TNIK: variants seen among roughly 807,000 people sequenced by gnomAD.
TNIK encodes the protein TRAF2 and NCK-interacting protein kinase.
A neutral mutation model predicts 191.3 loss-of-function variants in TNIK; 49 were observed. That is an observed-to-expected ratio of 0.26 (90% confidence interval 0.20 to 0.32). TNIK has a LOEUF of 0.32. Among genes scored for constraint, TNIK ranks in the 10% least tolerant of loss-of-function variants. The probability of loss-of-function intolerance (pLI) is 1.00; values close to 1 mark genes in which losing one functional copy is unlikely to be tolerated. For missense variants in TNIK, 1,155 were observed against 1,702.3 expected (o/e 0.68, Z 5.66); for synonymous variants, 594 against 600.9 (o/e 0.99, Z 0.17).
At chr3:171,112,632 T>C (rs1289209831) in intron 18 of TNIK, among the ~76,000 whole-genome samples, 2 of 151,872 alleles carry the variant, frequency 1.3e-5, no homozygotes, top group Non-Finnish European at 2.9e-5. Context: ...AGAATGAGAG[T>C]TGCTGGGGTT....
chr3:171,135,107 A>G (rs1403911431), intron 15 of TNIK, among the ~76,000 whole-genome samples: 1 of 152,220 alleles, frequency 6.6e-6, no homozygotes, highest in Non-Finnish European at 1.5e-5. Context: ...AGAAAATGGC[A>G]TCCTTTTATT....
intron 3 of TNIK, chr3:171,225,384 G>A: frequency 3.4e-6 from 1 of 289,936 alleles, no homozygotes; most frequent in South Asian, 3.0e-5. Flanking sequence ...AAAGTCAGTG[G>A]TTAAATAATC....
intron 2 of TNIK, among the ~76,000 whole-genome samples, chr3:171,324,432 A>G (rs1177205156): frequency 2.0e-5 from 3 of 152,106 alleles, no homozygotes; most frequent in Non-Finnish European, 4.4e-5. Context: ...AAAGAACAAA[A>G]TGACTTTACA....
chr3:171,452,392 T>C (rs761312167), intron 1 of TNIK, among the ~76,000 whole-genome samples: 2 of 152,122 alleles, frequency 1.3e-5, no homozygotes, highest in Non-Finnish European at 2.9e-5. Context: ...TCCAGGAATA[T>C]GCATCCCAGC....
chr3:171,241,054 G>C lies in TNIK; in HGVS notation c.124-12833C>G, dbSNP rs189998887. ...TCTTTTCTTTTTTTTTTTGGAGATA[G>C]AGTTCTGCTCTTGTTGCCCAGTTTG... On this transcript the variant is annotated intron_variant, in intron 2 of 32. Coordinates refer to ENST00000436636, the MANE Select transcript of TNIK (RefSeq NM_015028.4). Among the ~76,000 whole-genome samples, 8 of 147,554 alleles carry C rather than the reference G, an allele frequency of 5.4e-5. No homozygotes were observed. In the East Asian group the frequency reaches 1.6e-3, roughly 29 times the overall value.
At chr3:171,258,910 A>G (rs1747236043) in intron 2 of TNIK, among the ~76,000 whole-genome samples, 1 of 152,182 alleles carries the variant, frequency 6.6e-6, no homozygotes, top group Admixed American at 6.5e-5. Context: ...AGTCTCTCTC[A>G]TGTACACACA....
chr3:171,161,527 G>A (rs748388209), intron 10 of TNIK, among the ~76,000 whole-genome samples, 191 bp from the exon 11 acceptor site: 2 of 152,110 alleles, frequency 1.3e-5, no homozygotes, highest in Non-Finnish European at 2.9e-5. Flanking sequence ...AGGCTGTCTC[G>A]GCTGACTCTA....
At chr3:171,139,426 G>T in intron 14 of TNIK, 44 bp downstream of exon 14, 1 of 1,456,490 alleles carries the variant, frequency 6.9e-7, no homozygotes, top group Non-Finnish European at 9.5e-7. Context: ...ACACTTGCAA[G>T]ATGAACACAG....
intron 7 of TNIK, among the ~76,000 whole-genome samples, chr3:171,183,705 G>T (rs540000688): frequency 6.6e-6 from 1 of 152,118 alleles, no homozygotes; most frequent in Admixed American, 6.5e-5. Context: ...GGCAGATCAC[G>T]AGGTCAGGAG....
chr3:171,063,679 C>T lies in TNIK; in HGVS notation c.*202G>A, dbSNP rs1179907736. 8.3e-6 allele frequency: 4 copies of T among 484,534 alleles called. No individual in the cohort carries two copies. The highest frequency in any genetic ancestry group is 8.0e-5 in the African/African-American group (4 of 49,856). The allele number at this position is 484,534 out of a possible 1,614,324, so 30.0% of individuals were successfully genotyped here. On this transcript the variant is annotated 3_prime_UTR_variant, in exon 33 of 33. Coordinates refer to ENST00000436636, the MANE Select transcript of TNIK (RefSeq NM_015028.4). Reference sequence around the variant, plus strand: ...CTTGGGGATCTCCTGGAAATTCCTGCCACCTTTTTCTCTCCTTCTCAACCA... The same window carrying T: ...CTTGGGGATCTCCTGGAAATTCCTGTCACCTTTTTCTCTCCTTCTCAACCA...
At chr3:171,148,816 C>T (rs909561596) in intron 12 of TNIK, among the ~76,000 whole-genome samples, 1 of 152,096 alleles carries the variant, frequency 6.6e-6, no homozygotes, top group African/African-American at 2.4e-5. Flanking sequence ...CACAAGAACT[C>T]GAATCAACGA....
At chr3:171,299,703 C>T (rs1752689017) in intron 2 of TNIK, among the ~76,000 whole-genome samples, 1 of 152,148 alleles carries the variant, frequency 6.6e-6, no homozygotes, top group Non-Finnish European at 1.5e-5. Context: ...CAGCTTCCTC[C>T]ATATTTTAAT....
intron 7 of TNIK, among the ~76,000 whole-genome samples, chr3:171,180,264 C>A (rs1276875645): frequency 6.6e-6 from 1 of 152,204 alleles, no homozygotes; most frequent in Non-Finnish European, 1.5e-5. Context: ...CTGACTCCCT[C>A]ACCTCCCCAA....
At position 171,242,567 on chromosome 3, in the gene TNIK, T is replaced by TTTA. The variant is rs1745119132; in HGVS notation, c.124-14349_124-14347dup. 3.9e-5 allele frequency among the ~76,000 whole-genome samples: 6 copies of TTTA among 152,234 alleles called. No individual in the cohort carries two copies. In the South Asian group the frequency reaches 1.2e-3, roughly 32 times the overall value. ...AGTCTTGTGTTTGCAACATTAATGG[T>TTTA]TTATTTCACTGGTGGCTTCTGTCTG... On this transcript the variant is annotated intron_variant, in intron 2 of 32. Transcript: ENST00000436636.
intron 9 of TNIK, among the ~76,000 whole-genome samples, chr3:171,174,051 C>G (rs11925195): frequency 1.3e-5 from 2 of 152,160 alleles, no homozygotes; most frequent in African/African-American, 4.8e-5. Context: ...GAGCAGGGAA[C>G]GCTCTGCCTC....
At position 171,384,886 on chromosome 3, in the gene TNIK, C is replaced by T. The variant is rs75492437; in HGVS notation, c.58-15201G>A. ...ATTTTTTAGCCTTTGGTGTCTTTTCCTATCAAGTAGAAATAAGAATAAAGG... is the reference window on the plus strand; with the variant it reads ...ATTTTTTAGCCTTTGGTGTCTTTTCTTATCAAGTAGAAATAAGAATAAAGG... On this transcript the variant is annotated intron_variant, in intron 1 of 32. Coordinates refer to ENST00000436636, the MANE Select transcript of TNIK (RefSeq NM_015028.4). 3.3e-3 allele frequency among the ~76,000 whole-genome samples: 504 copies of T among 152,272 alleles called. 2 individuals carry two copies. Among genetic ancestry groups the T allele is most frequent in the African/African-American group, 0.012 (484 of 41,546 alleles).
chr3:171,318,756 C>T (rs1314419261), intron 2 of TNIK, among the ~76,000 whole-genome samples: 1 of 152,122 alleles, frequency 6.6e-6, no homozygotes, highest in East Asian at 1.9e-4. Flanking sequence ...ATTAACACAT[C>T]TTAGTTTAAG....
At chr3:171,101,735 G>T in intron 21 of TNIK, 102 bp from the exon 22 acceptor site, 1 of 1,138,118 alleles carries the variant, frequency 8.8e-7, no homozygotes, top group Non-Finnish European at 1.2e-6. Flanking sequence ...AAAAAAAAAA[G>T]CTCTATATAG....
chr3:171,142,998 C>T (rs1170247332), intron 12 of TNIK, among the ~76,000 whole-genome samples: 1 of 152,220 alleles, frequency 6.6e-6, no homozygotes, highest in Non-Finnish European at 1.5e-5. Flanking sequence ...TTACATGCCA[C>T]TCAGGTCCCT....
Sources: allele counts gnomAD v4.1 joint callset (sites outside exome capture counted in the v4.1 genomes callset), GRCh38; gene constraint gnomAD v4.1.1; transcripts MANE v1.5; gene names NCBI Gene and HGNC (gene_info 2026-07-23, HGNC 2026-07-21).